The following MAGI1 variants were observed in gnomAD, a reference collection of about 807,000 sequenced individuals.
The protein encoded by MAGI1 is membrane associated guanylate kinase, WW and PDZ domain containing 1.
Under a neutral mutation model 139.9 loss-of-function variants are expected in MAGI1, and 58 were observed. The observed-to-expected ratio is 0.41, with a 90% CI of 0.34 to 0.52. MAGI1 has a LOEUF of 0.52. MAGI1 is among the 20% of genes least tolerant of loss of function. MAGI1 has a pLI of 0.12. For missense variants in MAGI1, 1,874 were observed against 1,901.6 expected (o/e 0.99, Z 0.27); for synonymous variants, 812 against 737.9 (o/e 1.10, Z -1.63).
chr3:65,628,318 A>G (rs1459354358), intron 1 of MAGI1, among the ~76,000 whole-genome samples: 10 of 152,162 alleles, frequency 6.6e-5, no homozygotes, highest in Admixed American at 5.9e-4. Context: ...GACTCGTTAT[A>G]TAGTTGTACT....
chr3:65,430,653 T>C (rs758210825), intron 11 of MAGI1, 46 bp downstream of exon 11: 29 of 1,578,722 alleles, frequency 1.8e-5, no homozygotes, highest in African/African-American at 2.7e-5. Flanking sequence ...ATCTCCTGGA[T>C]TGGAGTCTCA....
At chr3:65,529,804 A>G (rs1396711682) in intron 2 of MAGI1, among the ~76,000 whole-genome samples, 1 of 147,952 alleles carries the variant, frequency 6.8e-6, no homozygotes, top group Non-Finnish European at 1.5e-5. Context: ...ATAAAAATGT[A>G]TATACACATA....
intron 2 of MAGI1, among the ~76,000 whole-genome samples, chr3:65,533,906 T>C (rs1373889316): frequency 1.3e-5 from 2 of 152,208 alleles, no homozygotes. Flanking sequence ...CATGAAACCT[T>C]ATATGGCTTA....
intron 1 of MAGI1, among the ~76,000 whole-genome samples, chr3:65,643,439 A>G (rs2085091481): frequency 6.6e-6 from 1 of 152,188 alleles, no homozygotes; most frequent in Admixed American, 6.5e-5. Context: ...TAGGGCAGAC[A>G]TACCTTTCCC....
intron 1 of MAGI1, among the ~76,000 whole-genome samples, chr3:65,839,200 G>A (rs192350129): frequency 6.6e-6 from 1 of 152,196 alleles, no homozygotes; most frequent in Non-Finnish European, 1.5e-5. Flanking sequence ...CTATTGCCTA[G>A]TGATACTGTA....
At chr3:65,861,144 C>A (rs1048746926) in intron 1 of MAGI1, among the ~76,000 whole-genome samples, 1 of 152,152 alleles carries the variant, frequency 6.6e-6, no homozygotes, top group Non-Finnish European at 1.5e-5. Context: ...AAAGCAAGCC[C>A]CCCTCGCTCT....
At chr3:65,427,247 G>A (rs1490251597) in intron 12 of MAGI1, among the ~76,000 whole-genome samples, 1 of 152,114 alleles carries the variant, frequency 6.6e-6, no homozygotes, top group African/African-American at 2.4e-5. Flanking sequence ...AGGAGGTTGA[G>A]GCTGCAGTGA....
chr3:65,589,806 C>A (rs1453500124), intron 2 of MAGI1, among the ~76,000 whole-genome samples: 2 of 151,518 alleles, frequency 1.3e-5, no homozygotes, highest in African/African-American at 4.9e-5. Context: ...CTTGAATGAC[C>A]CTTGCTTTAG....
Position 65,828,949 on chromosome 3 carries a change from G to C in MAGI1, c.314-206861C>G, listed in dbSNP as rs368836440. Among the ~76,000 whole-genome samples, 22 of 152,244 alleles carry C rather than the reference G, an allele frequency of 1.4e-4. No individual in the cohort carries two copies. The East Asian group carries it at 4.3e-3, about 29-fold the overall frequency. On this transcript the variant is annotated intron_variant, in intron 1 of 22. Coordinates refer to ENST00000402939, the MANE Select transcript of MAGI1 (RefSeq NM_001033057.2). Reference sequence around the variant, plus strand: ...GGGTGGCCGCTAGAGGCTGGGAATGGCCCTCCGCTGACAGCCAGCAAGAAA... The same window carrying C: ...GGGTGGCCGCTAGAGGCTGGGAATGCCCCTCCGCTGACAGCCAGCAAGAAA...
intron 2 of MAGI1, among the ~76,000 whole-genome samples, chr3:65,550,802 A>AC (rs112502477): frequency 2.4e-4 from 4 of 16,358 alleles, no homozygotes; most frequent in Non-Finnish European, 6.0e-4. Flanking sequence ...CCATGTCCAC[A>AC]AAAAAAAAAA....
intron 1 of MAGI1, among the ~76,000 whole-genome samples, chr3:65,769,892 G>C (rs966951954): frequency 1.3e-5 from 2 of 152,170 alleles, no homozygotes; most frequent in African/African-American, 2.4e-5. Context: ...AAAGTAGCTT[G>C]AATAACCATC....
chr3:66,020,137 T>C (rs1448848960), intron 1 of MAGI1, among the ~76,000 whole-genome samples: 1 of 152,180 alleles, frequency 6.6e-6, no homozygotes, highest in Non-Finnish European at 1.5e-5. Context: ...CTGTTATCCA[T>C]CTGCAAATAA....
chr3:65,672,130 C>A (rs1395633315), intron 1 of MAGI1, among the ~76,000 whole-genome samples: 1 of 152,162 alleles, frequency 6.6e-6, no homozygotes, highest in Non-Finnish European at 1.5e-5. Context: ...ACTGAATTTA[C>A]TAGAAACCTT....
At chr3:65,849,164 C>T (rs1239979436) in intron 1 of MAGI1, among the ~76,000 whole-genome samples, 2 of 151,480 alleles carry the variant, frequency 1.3e-5, no homozygotes, top group Non-Finnish European at 2.9e-5. Context: ...GCTGGGATTA[C>T]AGGCATGTGC....
At chr3:65,582,083 C>T (rs2081454540) in intron 2 of MAGI1, among the ~76,000 whole-genome samples, 1 of 152,176 alleles carries the variant, frequency 6.6e-6, no homozygotes, top group Admixed American at 6.5e-5. Flanking sequence ...CATAATCCCC[C>T]AGTCCTCTCT....
rs192126238 is a variant in MAGI1, at chr3:66,025,330, G to A, written c.313+12666C>T. 6.4e-4 allele frequency among the ~76,000 whole-genome samples: 97 copies of A among 152,258 alleles called. 1 individual carries two copies. The highest frequency in any genetic ancestry group is 6.3e-3 in the Admixed American group (97 of 15,304). On this transcript the variant is annotated intron_variant, in intron 1 of 22. Transcript: ENST00000402939. ...AAGGTGGGTGGATTGCTTGAGCCCA[G>A]GATTCTGAGACCAGCCTGAGCAAGA... is the stretch of plus-strand genomic sequence containing the variant.
intron 1 of MAGI1, among the ~76,000 whole-genome samples, chr3:65,840,849 A>G (rs896225891): frequency 3.3e-5 from 5 of 152,214 alleles, no homozygotes; most frequent in Admixed American, 6.5e-5. Flanking sequence ...TCTGGAAGAA[A>G]TTATATACAG....
chr3:65,584,049 C>T (rs562957340), intron 2 of MAGI1, among the ~76,000 whole-genome samples: 1 of 137,500 alleles, frequency 7.3e-6, no homozygotes, highest in South Asian at 2.4e-4. Context: ...TTCTCTACCC[C>T]TATTTCCATT....
rs957156351 is a variant in MAGI1 at position 65,844,311 on chromosome 3, G to A, written c.313+193685C>T. 16 of 332,370 alleles carry A rather than the reference G, an allele frequency of 4.8e-5. No homozygotes were observed. In the East Asian group the frequency reaches 6.3e-4, roughly 13 times the overall value. The allele number at this position is 332,370 out of a possible 1,614,324, so 20.6% of individuals were successfully genotyped here. ...CACACGGTCAGATTAACTGATACAC[G>A]AGCTCTCCCTGCCACATCTAGATGA... is the stretch of plus-strand genomic sequence containing the variant. On this transcript the variant is annotated intron_variant, in intron 1 of 22. Coordinates refer to ENST00000402939, the MANE Select transcript of MAGI1 (RefSeq NM_001033057.2).
Sources: allele counts gnomAD v4.1 joint callset (sites outside exome capture counted in the v4.1 genomes callset), GRCh38; gene constraint gnomAD v4.1.1; transcripts MANE v1.5; gene names NCBI Gene and HGNC (gene_info 2026-07-23, HGNC 2026-07-21).